Variants in ABCA13 observed in about 807,000 individuals in gnomAD.
ABCA13 encodes ATP-binding cassette sub-family A member 13.
ABCA13 carries 476 observed loss-of-function variants against 478.7 expected under a neutral mutation model. The observed-to-expected ratio is 0.99, with a 90% CI of 0.92 to 1.07. The LOEUF (loss-of-function observed/expected upper bound fraction) is 1.07, where lower values mean the gene tolerates loss of function less well. ABCA13 is among the 50% of genes least tolerant of loss of function. The probability of loss-of-function intolerance (pLI) is 0.00; values close to 1 mark genes in which losing one functional copy is unlikely to be tolerated. For missense variants in ABCA13, 6,060 were observed against 5,910.6 expected, an observed-to-expected ratio of 1.03 and a Z score of -0.83; for synonymous variants, 2,252 against 2,158.9, an observed-to-expected ratio of 1.04 and a Z score of -1.20.
chr7:48,245,535 TC>T lies in ABCA13; in HGVS notation c.1415del (p.Ser472Ter). 1 of 1,612,388 alleles carries T rather than the reference TC, an allele frequency of 6.2e-7. No homozygotes were observed. Among genetic ancestry groups the T allele is most frequent in the Non-Finnish European group, 8.5e-7 (1 of 1,179,458 alleles). ...AGAAGTCCTCATTTGCCTGGAGACA[TC>T]AGCTAATGATTTTAAATGGTTTGAA... ...VQEVLICLET[S>X]ANDFKWFELN... On this transcript the variant is annotated frameshift_variant, in exon 12 of 62. Coordinates refer to ENST00000435803, the MANE Select transcript of ABCA13 (RefSeq NM_152701.5). LOFTEE classifies it high-confidence loss of function.
At chr7:48,326,872 A>C (rs1472248929) in intron 27 of ABCA13, among the ~76,000 whole-genome samples, 1 of 152,198 alleles carries the variant, frequency 6.6e-6, no homozygotes, top group Non-Finnish European at 1.5e-5. Context: ...TAAGCTGCCA[A>C]ATTGGAATAT....
At chr7:48,367,958 A>T in intron 32 of ABCA13, 50 bp downstream of exon 32, 1 of 1,440,142 alleles carries the variant, frequency 6.9e-7, no homozygotes, top group Non-Finnish European at 9.5e-7. Context: ...GAGGCTGGGG[A>T]CTTTGGAAAT....
At chr7:48,313,038 TG>T (rs1241626179) in intron 24 of ABCA13, 28 bp from the exon 25 acceptor site, 1 of 1,519,436 alleles carries the variant, frequency 6.6e-7, no homozygotes, top group Non-Finnish European at 8.8e-7. Flanking sequence ...GGTTATTTCA[TG>T]TTGTTTTGTT....
chr7:48,336,039 A>G (rs895151345), intron 28 of ABCA13, among the ~76,000 whole-genome samples: 3 of 152,168 alleles, frequency 2.0e-5, no homozygotes, highest in Non-Finnish European at 2.9e-5. Context: ...GGATGAGAAA[A>G]TATGCCTGCA....
intron 59 of ABCA13, among the ~76,000 whole-genome samples, chr7:48,639,156 G>T (rs982149671): frequency 1.3e-5 from 2 of 152,122 alleles, no homozygotes; most frequent in Non-Finnish European, 2.9e-5. Flanking sequence ...TCTTTCCAGT[G>T]GGTAATCATG....
At chr7:48,421,889 T>G (rs1202273167) in intron 41 of ABCA13, among the ~76,000 whole-genome samples, 1 of 151,984 alleles carries the variant, frequency 6.6e-6, no homozygotes, top group African/African-American at 2.4e-5. Flanking sequence ...AAACTCGACT[T>G]ACTCATTCTT....
intron 42 of ABCA13, among the ~76,000 whole-genome samples, chr7:48,428,295 T>C (rs1821709910): frequency 6.6e-6 from 1 of 152,200 alleles, no homozygotes; most frequent in African/African-American, 2.4e-5. Flanking sequence ...TTTGCCTTCA[T>C]GCGACCTCTG....
In ABCA13 at chr7:48,196,099, C is replaced by A. The variant is rs369281564; in HGVS notation, c.164-2138C>A. On this transcript the variant is annotated intron_variant, in intron 2 of 61. Coordinates refer to ENST00000435803, the MANE Select transcript of ABCA13 (RefSeq NM_152701.5). ...ATAAGAAGCCTCAAAATGATAGTGG[C>A]TAATGCAAAATTGTGAATGATTTAG... Among the ~76,000 whole-genome samples, 17 of 152,238 alleles carry A rather than the reference C, an allele frequency of 1.1e-4. No individual in the cohort carries two copies. The East Asian group carries it at 2.9e-3, about 26-fold the overall frequency.
In ABCA13 at chr7:48,403,886, A is replaced by G. The variant is rs371090208; in HGVS notation, c.12070+7A>G. 11 of 1,610,614 alleles carry G rather than the reference A, an allele frequency of 6.8e-6. No individual in the cohort carries two copies. The highest frequency in any genetic ancestry group is 7.6e-6 in the Non-Finnish European group (9 of 1,178,492). ...CTGCTCAAGTACCGAGAAGGTAGGC[A>G]CTGGGCCTCATTCTGCCTTCTCTTC... On this transcript the variant is annotated splice_region_variant and intron_variant, in intron 39 of 61. Transcript: ENST00000435803.
chr7:48,559,572 C>T (rs1427173602), intron 55 of ABCA13, among the ~76,000 whole-genome samples: 2 of 152,134 alleles, frequency 1.3e-5, no homozygotes, highest in African/African-American at 4.8e-5. Flanking sequence ...AGTCATCTTT[C>T]CTTTGCCCTC....
At position 48,642,874 on chromosome 7, in the gene ABCA13, T is replaced by A. The variant is rs542182981; in HGVS notation, c.14838-414T>A. Reference sequence around the variant, plus strand: ...AAGTGCCTGGTAATTACATATGCAATCCCTTTCATCTTTTCCCAGCCAAAT... The same window carrying A: ...AAGTGCCTGGTAATTACATATGCAAACCCTTTCATCTTTTCCCAGCCAAAT... On this transcript the variant is annotated intron_variant, in intron 59 of 61. Coordinates refer to ENST00000435803, the MANE Select transcript of ABCA13 (RefSeq NM_152701.5). 2.0e-5 allele frequency among the ~76,000 whole-genome samples: 3 copies of A among 152,284 alleles called. No homozygotes were observed. In the East Asian group the frequency reaches 5.8e-4, roughly 29 times the overall value.
intron 59 of ABCA13, among the ~76,000 whole-genome samples, chr7:48,638,760 C>A (rs1794888082): frequency 6.6e-6 from 1 of 152,090 alleles, no homozygotes; most frequent in African/African-American, 2.4e-5. Context: ...TCTCTTTGGG[C>A]CTCAAATTTT....
At position 48,279,683 on chromosome 7, in the gene ABCA13, T is replaced by G. The variant is rs765662143; in HGVS notation, c.8489T>G (p.Leu2830Arg). The change falls in exon 18 of 62, where the codon CTT (leucine) becomes CGT (arginine). Residue 2830 changes from leucine to arginine, a missense_variant. Leu to Arg is a moderately radical substitution (Grantham distance 102). Around this residue, in one of 3 missense-constraint regions of ABCA13, gnomAD observed 4,423 missense variants for 4,309.1 expected, o/e 1.03. Transcript: ENST00000435803. ...LSRIALWRKGLLFNNSEWITS... is the reference protein window; with the variant it reads ...LSRIALWRKGRLFNNSEWITS... ...AGAATAGCTCTCTGGAGGAAAGGAC[T>G]TCTGTTTAACAACTCTGAATGGATA... 1 of 1,613,596 alleles carries G rather than the reference T, an allele frequency of 6.2e-7. No individual in the cohort carries two copies. The highest frequency in any genetic ancestry group is 8.5e-7 in the Non-Finnish European group (1 of 1,179,766).
intron 7 of ABCA13, among the ~76,000 whole-genome samples, chr7:48,231,973 T>C (rs1304169212): frequency 6.6e-6 from 1 of 151,990 alleles, no homozygotes; most frequent in African/African-American, 2.4e-5. Context: ...TGAACTATTG[T>C]ACAATGAGAT....
At chr7:48,306,553 G>C (rs1237356767) in intron 23 of ABCA13, among the ~76,000 whole-genome samples, 1 of 152,128 alleles carries the variant, frequency 6.6e-6, no homozygotes, top group Non-Finnish European at 1.5e-5. Context: ...CCTATATTCT[G>C]CTCCCAACCT....
At chr7:48,432,941 A>G (rs947565515) in intron 42 of ABCA13, among the ~76,000 whole-genome samples, 1 of 152,016 alleles carries the variant, frequency 6.6e-6, no homozygotes, top group South Asian at 2.1e-4. Context: ...TATTGTTGAA[A>G]ATCTCTAAAA....
chr7:48,313,380 A>G (rs1802062085), intron 25 of ABCA13, 149 bp downstream of exon 25: 3 of 789,992 alleles, frequency 3.8e-6, no homozygotes, highest in Non-Finnish European at 5.9e-6. Flanking sequence ...CTCTGGAAGC[A>G]ACAGCATAAC....
At chr7:48,350,597 G>T (rs1808813230) in intron 29 of ABCA13, 46 bp from the exon 30 acceptor site, 1 of 1,516,100 alleles carries the variant, frequency 6.6e-7, no homozygotes, top group Non-Finnish European at 8.9e-7. Flanking sequence ...GTAAGCACTG[G>T]GGGGATACAG....
At chr7:48,418,199 C>T (rs1462922045) in intron 41 of ABCA13, among the ~76,000 whole-genome samples, 2 of 152,184 alleles carry the variant, frequency 1.3e-5, no homozygotes, top group Non-Finnish European at 2.9e-5. Context: ...TGGGTAAATA[C>T]CTAAGACTGC....
Sources: allele counts gnomAD v4.1 joint callset (sites outside exome capture counted in the v4.1 genomes callset), GRCh38; gene constraint gnomAD v4.1.1; regional missense constraint gnomAD v4.1.1; transcripts MANE v1.5; gene names NCBI Gene and HGNC (gene_info 2026-07-23, HGNC 2026-07-21).